The following ITGA6 variants were observed in gnomAD, a reference collection of about 807,000 sequenced individuals.
ITGA6 encodes the protein integrin alpha-6.
A neutral mutation model predicts 133.6 loss-of-function variants in ITGA6; 63 were observed. That is an observed-to-expected ratio of 0.47 (90% CI 0.38 to 0.58). The LOEUF is 0.58. Ranked by LOEUF, ITGA6 falls within the 20% of genes least tolerant of loss-of-function variation. ITGA6 has a pLI of 0.00. For synonymous variants in ITGA6, 434 were observed against 482.0 expected, an observed-to-expected ratio of 0.90 and a Z score of 1.30; for missense variants, 1,068 against 1,309.4, an observed-to-expected ratio of 0.82 and a Z score of 2.85.
intron 1 of ITGA6, among the ~76,000 whole-genome samples, chr2:172,433,490 C>T (rs1431537257): frequency 6.6e-6 from 1 of 152,180 alleles, no homozygotes. Flanking sequence ...GGATTCCTAA[C>T]CTTCCTAGGC....
chr2:172,485,305 C>T (rs1686619729), intron 13 of ITGA6, 41 bp downstream of exon 13: 1 of 1,567,796 alleles, frequency 6.4e-7, no homozygotes, highest in East Asian at 2.2e-5. Context: ...GTTTTTTTGC[C>T]ATTTATGATG....
chr2:172,493,726 C>T (rs528892148), intron 23 of ITGA6, among the ~76,000 whole-genome samples: 28 of 152,192 alleles, frequency 1.8e-4, no homozygotes, highest in African/African-American at 6.7e-4. Context: ...AAACTGAATC[C>T]AAGGAAAGGT....
chr2:172,467,300 C>T (rs1306567347), intron 2 of ITGA6, among the ~76,000 whole-genome samples, 181 bp from the exon 3 acceptor site: 1 of 152,102 alleles, frequency 6.6e-6, no homozygotes, highest in Non-Finnish European at 1.5e-5. Context: ...TGAAAGATTC[C>T]AAAAACCACA....
intron 23 of ITGA6, 53 bp from the exon 24 acceptor site, chr2:172,497,922 T>G (rs181669638): frequency 6.2e-7 from 1 of 1,606,182 alleles, no homozygotes; most frequent in East Asian, 2.2e-5. Context: ...AAACTCCTGG[T>G]GTGAACTCTT....
intron 25 of ITGA6, 90 bp downstream of exon 25, chr2:172,501,991 C>G: frequency 4.4e-6 from 5 of 1,137,230 alleles, no homozygotes; most frequent in Non-Finnish European, 6.4e-6. Flanking sequence ...CTATGTGTGT[C>G]CCATTAACAG....
At chr2:172,484,631 C>G in intron 11 of ITGA6, 151 bp from the exon 12 acceptor site, 2 of 702,122 alleles carry the variant, frequency 2.8e-6, no homozygotes, top group Non-Finnish European at 4.9e-6. Context: ...TGAACCATCA[C>G]AATTGTGCAA....
chr2:172,470,909 G>A, intron 4 of ITGA6, 65 bp from the exon 5 acceptor site: 2 of 1,551,640 alleles, frequency 1.3e-6, no homozygotes, highest in Non-Finnish European at 1.8e-6. Context: ...TGTTTATTAG[G>A]AACCATTTAT....
rs770599504 is a variant in ITGA6 at position 172,475,131 on chromosome 2, T to C, written c.1180+9T>C. 4.1e-6 allele frequency: 6 copies of C among 1,448,032 alleles called. No homozygotes were observed. In the East Asian group the frequency reaches 1.1e-4, roughly 27 times the overall value. 89.7% of individuals were successfully genotyped at this position (1,448,032 alleles called of 1,614,324 possible). ...TCAAGATGGCTACCCAGGTAGATAA[T>C]AGATTATGAAATGGCTATGATTTAT... On this transcript the variant is annotated intron_variant, in intron 7 of 25. Coordinates refer to ENST00000684293, the MANE Select transcript of ITGA6 (RefSeq NM_000210.4).
chr2:172,436,498 A>G (rs940237783), intron 1 of ITGA6, among the ~76,000 whole-genome samples: 1 of 152,186 alleles, frequency 6.6e-6, no homozygotes, highest in African/African-American at 2.4e-5. Context: ...CTGAGAGACA[A>G]TGATACCTCT....
intron 9 of ITGA6, among the ~76,000 whole-genome samples, chr2:172,477,580 C>T (rs181306628): frequency 3.2e-4 from 48 of 152,272 alleles, no homozygotes; most frequent in African/African-American, 1.2e-3. Context: ...GATGACTTAA[C>T]TTTAGTCAGT....
At chr2:172,447,842 A>AT (rs1684827366) in intron 1 of ITGA6, among the ~76,000 whole-genome samples, 1 of 151,446 alleles carries the variant, frequency 6.6e-6, no homozygotes, top group Non-Finnish European at 1.5e-5. Flanking sequence ...GTGATTTCAC[A>AT]TTTTTTCCCC....
chr2:172,487,928 A>G, intron 17 of ITGA6, 33 bp from the exon 18 acceptor site: 1 of 1,595,692 alleles, frequency 6.3e-7, no homozygotes, highest in African/African-American at 1.3e-5. Flanking sequence ...TGACTGGTAA[A>G]ATACAACCCT....
At position 172,504,148 on chromosome 2, in the gene ITGA6, AGGATCCG is replaced by A; in HGVS notation, c.*82_*88del. 1 of 1,598,584 alleles carries A rather than the reference AGGATCCG, an allele frequency of 6.3e-7. No individual in the cohort carries two copies. The highest frequency in any genetic ancestry group is 8.5e-7 in the Non-Finnish European group (1 of 1,171,518). On this transcript the variant is annotated 3_prime_UTR_variant, in exon 26 of 26. Transcript: ENST00000684293. The stretch of plus-strand genomic sequence containing the variant: ...CAGTGTTCCCCGATACCATGCTGTA[AGGATCCG>A]GAAAGAAGAGCGAGAGATCAAAGAT...
At chr2:172,499,677 A>G (rs1457398436) in intron 24 of ITGA6, among the ~76,000 whole-genome samples, 1 of 152,158 alleles carries the variant, frequency 6.6e-6, no homozygotes, top group Non-Finnish European at 1.5e-5. Flanking sequence ...AATTATTTTG[A>G]TATCAAAAAC....
chr2:172,489,454 G>T, intron 19 of ITGA6, 31 bp from the exon 20 acceptor site: 1 of 1,532,560 alleles, frequency 6.5e-7, no homozygotes, highest in South Asian at 1.1e-5. Flanking sequence ...GAGAAGATTA[G>T]ACTGAGATAA....
Position 172,491,503 on chromosome 2 carries a change from C to G in ITGA6, c.2968C>G (p.Leu990Val), listed in dbSNP as rs376601539. The G allele has an allele frequency of 1.2e-6, 2 of 1,612,832 alleles. No homozygotes were observed. Among genetic ancestry groups the G allele is most frequent in the Admixed American group, 3.3e-5 (2 of 59,982 alleles). The change falls in exon 23 of 26, where the codon CTG becomes GTG. Residue 990 changes from leucine to valine, a missense_variant. Transcript: ENST00000684293. The surrounding 1 kb of genome is among the most constrained non-coding windows in gnomAD (Gnocchi z 4.4). Reference protein sequence around the residue: ...DVTAAAENIRLPNAGTQVRVT... With the variant: ...DVTAAAENIRVPNAGTQVRVT... The stretch of plus-strand genomic sequence containing the variant: ...GACTGCTGCTGCCGAAAATATCAGG[C>G]TGCCAAATGCAGGCACTCAGGTGAG...
At chr2:172,473,173 T>C (rs1011577026) in intron 5 of ITGA6, among the ~76,000 whole-genome samples, 1 of 151,938 alleles carries the variant, frequency 6.6e-6, no homozygotes, top group African/African-American at 2.4e-5. Context: ...ATAAAGGGGG[T>C]GAGCTTATAT....
intron 5 of ITGA6, 75 bp from the exon 6 acceptor site, chr2:172,473,980 T>G: frequency 1.0e-6 from 1 of 987,930 alleles, no homozygotes; most frequent in Admixed American, 1.9e-5. Flanking sequence ...GAAGAGGTAA[T>G]GATGGAGTTA....
Position 172,505,704 on chromosome 2 carries a change from T to C in ITGA6, c.*1636T>C, listed in dbSNP as rs1687531754. The C allele has an allele frequency of 6.6e-6, 1 of 152,630 alleles. No individual in the cohort carries two copies. Among genetic ancestry groups the C allele is most frequent in the East Asian group, 1.9e-4 (1 of 5,208 alleles). The allele number at this position is 152,630 out of a possible 1,614,324, so 9.5% of individuals were successfully genotyped here. A position where few individuals can be genotyped will look rare whatever the true frequency, so the allele number is the denominator to read the frequency against. On this transcript the variant is annotated 3_prime_UTR_variant, in exon 26 of 26. Coordinates refer to ENST00000684293, the MANE Select transcript of ITGA6 (RefSeq NM_000210.4). ...TTTTGAAAGAATAGAACACAGTTTG[T>C]AGTGCCACTGTTGTTTTGGGGGGGC...
Sources: allele counts gnomAD v4.1 joint callset (sites outside exome capture counted in the v4.1 genomes callset), GRCh38; gene constraint gnomAD v4.1.1; non-coding constraint Gnocchi (gnomAD v3.1); transcripts MANE v1.5; gene names NCBI Gene and HGNC (gene_info 2026-07-23, HGNC 2026-07-21).